CARNMT1: variants seen among roughly 807,000 people sequenced by gnomAD.
The protein encoded by CARNMT1 is protein-L-histidine N-pros-methyltransferase CARNMT1.
Under a neutral mutation model 49.6 loss-of-function variants are expected in CARNMT1, and 28 were observed. That is an observed-to-expected ratio of 0.56 (90% confidence interval 0.42 to 0.77). The LOEUF (loss-of-function observed/expected upper bound fraction) is 0.77. Ranked by LOEUF, CARNMT1 falls within the 30% of genes least tolerant of loss-of-function variation. The probability of loss-of-function intolerance (pLI) is 0.00; values close to 1 mark genes in which losing one functional copy is unlikely to be tolerated. For missense variants in CARNMT1, 421 were observed against 512.6 expected, an observed-to-expected ratio of 0.82 and a Z score of 1.73; for synonymous variants, 178 against 175.0, an observed-to-expected ratio of 1.02 and a Z score of -0.13.
chr9:74,998,741 C>T lies in CARNMT1; in HGVS notation c.767G>A (p.Trp256Ter). ...SEINKYKLYP[W>*]IHQFSNNRRS... is the part of the protein sequence containing the mutation. ...CCGGTTATTGCTAAACTGATGGATC[C>T]AAGGATAAAGTTTATATTTATTAAT... The change falls in exon 5 of 8, where the codon TGG (tryptophan) becomes TAG (stop). Residue 256 changes from tryptophan to a stop codon, truncating the protein, a stop_gained. Transcript: ENST00000376834. LOFTEE classifies it high-confidence loss of function. The T allele has an allele frequency of 6.4e-7, 1 of 1,570,494 alleles. No individual in the cohort carries two copies. Among genetic ancestry groups the T allele is most frequent in the Non-Finnish European group, 8.6e-7 (1 of 1,158,026 alleles).
At chr9:75,027,915 G>C (rs1822578066) in intron 1 of CARNMT1, 97 bp downstream of exon 1, 1 of 1,335,380 alleles carries the variant, frequency 7.5e-7, no homozygotes, top group Admixed American at 3.8e-5. Flanking sequence ...CCTCGGAGGC[G>C]TGGCGGCGGG....
intron 3 of CARNMT1, 51 bp downstream of exon 3, chr9:75,016,217 T>A (rs767651375): frequency 1.5e-6 from 2 of 1,343,660 alleles, no homozygotes; most frequent in African/African-American, 2.9e-5. Context: ...ATCAAGAAAC[T>A]CAAGTGTTCA....
Position 74,983,691 on chromosome 9 carries a change from G to C in CARNMT1, c.*76C>G, listed in dbSNP as rs530371581. The C allele has an allele frequency of 3.6e-5, 29 of 814,878 alleles. No homozygotes were observed. The African/African-American group carries it at 4.1e-4, about 12-fold the overall frequency. The allele number at this position is 814,878 out of a possible 1,614,324, so 50.5% of individuals were successfully genotyped here. On this transcript the variant is annotated 3_prime_UTR_variant, in exon 8 of 8. Coordinates refer to ENST00000376834, the MANE Select transcript of CARNMT1 (RefSeq NM_152420.3). ...TTTGAGGTTGTGTCCTGTCATCACT[G>C]ATAGTTGATTTTGAGTCGTTGATTT...
chr9:74,989,419 T>A (rs1200642856), intron 6 of CARNMT1, among the ~76,000 whole-genome samples: 1 of 152,214 alleles, frequency 6.6e-6, no homozygotes, highest in African/African-American at 2.4e-5. Context: ...CCAGTTTTTT[T>A]ATTATTAAAA....
chr9:75,006,756 T>C (rs529459962), intron 3 of CARNMT1, among the ~76,000 whole-genome samples: 1 of 152,318 alleles, frequency 6.6e-6, no homozygotes, highest in South Asian at 2.1e-4. Flanking sequence ...TTTTAAATTA[T>C]TTTTATTTAA....
At chr9:74,985,504 T>C (rs1832809020) in intron 6 of CARNMT1, among the ~76,000 whole-genome samples, 1 of 152,050 alleles carries the variant, frequency 6.6e-6, no homozygotes. Flanking sequence ...TTAAGTGCAC[T>C]GTTCATATCC....
intron 1 of CARNMT1, among the ~76,000 whole-genome samples, chr9:75,021,843 TAGG>T (rs1470183588): frequency 6.6e-6 from 1 of 151,900 alleles, no homozygotes; most frequent in African/African-American, 2.4e-5. Flanking sequence ...GAGGCTGAGG[TAGG>T]AGAATTGCTT....
intron 6 of CARNMT1, among the ~76,000 whole-genome samples, chr9:74,990,736 T>C (rs572291211): frequency 1.1e-4 from 16 of 152,198 alleles, no homozygotes; most frequent in Non-Finnish European, 2.2e-4. Context: ...TTGGAATATC[T>C]GGTTGTTTCA....
chr9:75,016,361 A>T lies in CARNMT1; in HGVS notation c.497T>A (p.Val166Glu), dbSNP rs367763445. 1.9e-6 allele frequency: 3 copies of T among 1,613,948 alleles called. No individual in the cohort carries two copies. The highest frequency in any genetic ancestry group is 1.7e-6 in the Non-Finnish European group (2 of 1,179,956). Residue 166 changes from valine to glutamate, a missense_variant, in exon 3 of 8, where the codon GTG becomes GAG. Val to Glu is a moderately radical substitution (Grantham distance 121, BLOSUM62 -2). Around this residue, in one of 2 missense-constraint regions of CARNMT1, gnomAD observed 235 missense variants for 344.8 expected, o/e 0.68. Coordinates refer to ENST00000376834, the MANE Select transcript of CARNMT1 (RefSeq NM_152420.3). ...TTTCCCAGTTTCACTCCAGTCTCTC[A>T]CAAACTGTTTCAGCGTGGATTTTAA... ...DKLKSTLKQFVRDWSETGKAE... is the reference protein window; with the variant it reads ...DKLKSTLKQFERDWSETGKAE...
chr9:74,986,519 G>GA (rs1832844485), intron 6 of CARNMT1, among the ~76,000 whole-genome samples: 1 of 152,126 alleles, frequency 6.6e-6, no homozygotes, highest in Non-Finnish European at 1.5e-5. Flanking sequence ...GCTTTTATAA[G>GA]AATGCAGAGC....
chr9:75,011,154 A>C (rs373209511), intron 3 of CARNMT1, among the ~76,000 whole-genome samples: 1 of 152,234 alleles, frequency 6.6e-6, no homozygotes, highest in Non-Finnish European at 1.5e-5. Flanking sequence ...CAAAGGCTTA[A>C]AACTACAGTA....
chr9:75,005,763 G>C (rs1023851360), intron 3 of CARNMT1, among the ~76,000 whole-genome samples: 5 of 149,384 alleles, frequency 3.3e-5, no homozygotes. Flanking sequence ...GTGAGCCACC[G>C]AGCCCGGCAA....
At chr9:74,987,143 C>T (rs1332508972) in intron 6 of CARNMT1, among the ~76,000 whole-genome samples, 1 of 152,170 alleles carries the variant, frequency 6.6e-6, no homozygotes, top group Non-Finnish European at 1.5e-5. Flanking sequence ...AGTTTTCACT[C>T]ACAATTGCAA....
chr9:75,023,832 C>T (rs1822447025), intron 1 of CARNMT1, among the ~76,000 whole-genome samples: 1 of 152,134 alleles, frequency 6.6e-6, no homozygotes, highest in South Asian at 2.1e-4. Context: ...GACCACTTGG[C>T]CTTCAGAGCT....
intron 3 of CARNMT1, among the ~76,000 whole-genome samples, chr9:75,011,805 T>A (rs149874408): frequency 6.6e-6 from 1 of 152,252 alleles, no homozygotes; most frequent in East Asian, 1.9e-4. Flanking sequence ...GGCTTCCAAC[T>A]GACAAACAGA....
At position 75,027,496 on chromosome 9, in the gene CARNMT1, G is replaced by A. The variant is rs1822565473; in HGVS notation, c.230+516C>T. The A allele has an allele frequency of 5.1e-6, 5 of 984,818 alleles. No individual in the cohort carries two copies. In the South Asian group the frequency reaches 2.3e-4, roughly 46 times the overall value. 61.0% of individuals were successfully genotyped at this position (984,818 alleles called of 1,614,324 possible). On this transcript the variant is annotated intron_variant, in intron 1 of 7. Coordinates refer to ENST00000376834, the MANE Select transcript of CARNMT1 (RefSeq NM_152420.3). ...ACACAAAAGTGCAAGTGCGTTCACA[G>A]CGCCAAAGAGGGGTGGGTGGAAATC...
chr9:75,015,824 A>T (rs1311094816), intron 3 of CARNMT1: 2 of 151,290 alleles, frequency 1.3e-5, no homozygotes, highest in African/African-American at 2.4e-5. Flanking sequence ...ATAAAATAAA[A>T]AAAAAATTAT....
intron 1 of CARNMT1, among the ~76,000 whole-genome samples, chr9:75,019,244 C>G (rs1051409052): frequency 6.6e-5 from 10 of 152,096 alleles, no homozygotes; most frequent in Non-Finnish European, 1.0e-4. Flanking sequence ...TTTTATTAAC[C>G]CTATATAATA....
chr9:74,991,685 T>A (rs867472528), intron 6 of CARNMT1: 2 of 152,144 alleles, frequency 1.3e-5, no homozygotes, highest in African/African-American at 4.8e-5. Flanking sequence ...GTAGGCATCT[T>A]GATTATAGAG....
Sources: gnomAD v4.1 joint callset for allele counts (sites outside exome capture counted in the v4.1 genomes callset) on GRCh38, gnomAD v4.1.1 for gene constraint, gnomAD v4.1.1 regional missense constraint, MANE v1.5 for transcripts, NCBI Gene and HGNC (gene_info 2026-07-23, HGNC 2026-07-21) for gene names.